Variants in FAT3 observed in about 807,000 individuals in gnomAD.
FAT3 encodes protocadherin Fat 3.
A neutral mutation model predicts 310.2 loss-of-function variants in FAT3; 95 were observed. That is an observed-to-expected ratio of 0.31 (90% confidence interval 0.26 to 0.36). FAT3 has a LOEUF of 0.36. FAT3 is among the 10% of genes least tolerant of loss of function. The pLI is 1.00. For missense variants in FAT3, 5,408 were observed against 5,715.6 expected, an observed-to-expected ratio of 0.95 and a Z score of 1.74; for synonymous variants, 2,314 against 2,192.9, an observed-to-expected ratio of 1.06 and a Z score of -1.54.
chr11:92,566,423 G>T (rs916704279), intron 3 of FAT3, among the ~76,000 whole-genome samples: 5 of 151,914 alleles, frequency 3.3e-5, no homozygotes, highest in African/African-American at 1.2e-4. Context: ...CATGCTCATG[G>T]GTAGGAAGAA....
chr11:92,674,468 C>T (rs1028700989), intron 3 of FAT3, among the ~76,000 whole-genome samples: 1 of 151,732 alleles, frequency 6.6e-6, no homozygotes, highest in South Asian at 2.1e-4. Context: ...TCACTCTAAC[C>T]CTGCTTATTG....
chr11:92,403,356 G>A (rs1950066370), intron 2 of FAT3: 1 of 152,124 alleles, frequency 6.6e-6, no homozygotes, highest in South Asian at 2.1e-4. Flanking sequence ...CTTACTTGCT[G>A]TGTTTCCCTG....
intron 20 of FAT3, among the ~76,000 whole-genome samples, chr11:92,858,140 A>C (rs1949029773): frequency 6.6e-6 from 1 of 152,244 alleles, no homozygotes; most frequent in Admixed American, 6.5e-5. Context: ...CTTTGCAAGC[A>C]TTGAGTTCTA....
intron 1 of FAT3, among the ~76,000 whole-genome samples, chr11:92,304,529 A>T (rs775319205): frequency 6.6e-6 from 1 of 152,024 alleles, no homozygotes; most frequent in Non-Finnish European, 1.5e-5. Context: ...ATTGGCATTC[A>T]TGTGATTTGC....
At chr11:92,368,842 A>ATATATATATATATATATG (rs1055622673) in intron 2 of FAT3, among the ~76,000 whole-genome samples, 5 of 147,112 alleles carry the variant, frequency 3.4e-5, no homozygotes, top group African/African-American at 1.3e-4. Context: ...ACATATATAT[A>ATATATATATATATATATG]TATATACACA....
At chr11:92,281,295 C>G (rs539166075) in intron 1 of FAT3, among the ~76,000 whole-genome samples, 8 of 152,084 alleles carry the variant, frequency 5.3e-5, no homozygotes, top group Non-Finnish European at 8.8e-5. Context: ...AATAGAAGCT[C>G]TTTAGATGAT....
intron 19 of FAT3, among the ~76,000 whole-genome samples, chr11:92,854,196 A>T (rs1439256429): frequency 1.3e-5 from 2 of 152,204 alleles, no homozygotes; most frequent in Non-Finnish European, 2.9e-5. Context: ...GTTGCGACAG[A>T]ACCCAGGTTT....
intron 3 of FAT3, among the ~76,000 whole-genome samples, chr11:92,621,847 A>G (rs1054186423): frequency 6.6e-6 from 1 of 152,298 alleles, no homozygotes; most frequent in African/African-American, 2.4e-5. Context: ...TCACGCCACG[A>G]TCAGCGGAGC....
intron 15 of FAT3, among the ~76,000 whole-genome samples, chr11:92,835,616 A>C (rs769504782): frequency 1.3e-5 from 2 of 152,196 alleles, no homozygotes; most frequent in Non-Finnish European, 2.9e-5. Flanking sequence ...CATTGTATTC[A>C]TAAATCATAA....
intron 5 of FAT3, among the ~76,000 whole-genome samples, chr11:92,763,807 C>CCA (rs1359929822): frequency 6.6e-6 from 1 of 152,094 alleles, no homozygotes; most frequent in Non-Finnish European, 1.5e-5. Context: ...CCAAAAAAAA[C>CCA]CATTTGTACT....
At chr11:92,758,247 T>A (rs926301830) in intron 4 of FAT3, among the ~76,000 whole-genome samples, 5 of 152,172 alleles carry the variant, frequency 3.3e-5, no homozygotes, top group Non-Finnish European at 7.3e-5. Flanking sequence ...AAGGATTGAA[T>A]GGAGATCAAC....
intron 3 of FAT3, among the ~76,000 whole-genome samples, chr11:92,533,331 C>T (rs559068524): frequency 4.7e-4 from 72 of 152,118 alleles, no homozygotes; most frequent in Non-Finnish European, 7.6e-4. Context: ...CCCTGAGCCA[C>T]GTGCTGGATC....
chr11:92,582,520 A>G (rs1938866607), intron 3 of FAT3, among the ~76,000 whole-genome samples: 1 of 152,038 alleles, frequency 6.6e-6, no homozygotes, highest in Non-Finnish European at 1.5e-5. Flanking sequence ...GCAATCCTTC[A>G]TATAACATTT....
intron 3 of FAT3, among the ~76,000 whole-genome samples, chr11:92,611,667 T>C (rs991421916): frequency 6.6e-6 from 1 of 152,210 alleles, no homozygotes; most frequent in East Asian, 1.9e-4. Context: ...GTGCTGGGAT[T>C]GCAGGCATGA....
chr11:92,687,005 T>C (rs750412496), intron 3 of FAT3, among the ~76,000 whole-genome samples: 19 of 152,174 alleles, frequency 1.2e-4, no homozygotes, highest in Non-Finnish European at 2.5e-4. Flanking sequence ...ACTTCAACTT[T>C]TAGTTTCCTG....
intron 2 of FAT3, among the ~76,000 whole-genome samples, chr11:92,437,779 C>T (rs1950973719): frequency 6.6e-6 from 1 of 152,050 alleles, no homozygotes; most frequent in Non-Finnish European, 1.5e-5. Flanking sequence ...GACGAGATCT[C>T]AAAAAGCAGT....
chr11:92,803,256 C>T (rs796359546), intron 10 of FAT3, among the ~76,000 whole-genome samples: 23 of 152,296 alleles, frequency 1.5e-4, no homozygotes, highest in African/African-American at 5.3e-4. Flanking sequence ...ACTATCCCAT[C>T]GACTTTACCA....
rs1950737210 is a variant in FAT3 at position 92,430,331 on chromosome 11, T to C, written c.3292+74927T>C. On this transcript the variant is annotated intron_variant, in intron 2 of 27. Transcript: ENST00000525166. ...TGCATTGGGTTCTGAAGCCTACTTC[T>C]GTCAATTCGTCAAACTCATTCTCCA... Among the ~76,000 whole-genome samples, 5 of 152,178 alleles carry C rather than the reference T, an allele frequency of 3.3e-5. 1 individual carries two copies. The highest frequency in any genetic ancestry group is 1.2e-4 in the African/African-American group (5 of 41,456).
intron 2 of FAT3, among the ~76,000 whole-genome samples, chr11:92,462,675 C>T (rs1258788024): frequency 6.6e-6 from 1 of 151,922 alleles, no homozygotes; most frequent in East Asian, 1.9e-4. Context: ...CTTGTTTTAC[C>T]AAGATTTATT....
Sources: gnomAD v4.1 joint callset for allele counts (sites outside exome capture counted in the v4.1 genomes callset) on GRCh38, gnomAD v4.1.1 for gene constraint, MANE v1.5 for transcripts, NCBI Gene and HGNC (gene_info 2026-07-23, HGNC 2026-07-21) for gene names.